Variants in ATOX1 observed in about 807,000 individuals in gnomAD.
ATOX1 encodes the protein copper transport protein ATOX1.
In ATOX1, 4 loss-of-function variants were observed where a neutral mutation model predicts 7.3. The ratio of observed to expected loss-of-function variants is 0.55; its 90% CI spans 0.27 to 1.25. The LOEUF (loss-of-function observed/expected upper bound fraction) is 1.25. Among genes scored for constraint, ATOX1 ranks in the 50% most tolerant of loss-of-function variants. ATOX1 has a pLI of 0.12. For synonymous variants in ATOX1, 25 were observed against 28.7 expected (o/e 0.87, Z 0.41); for missense variants, 68 against 81.6 (o/e 0.83, Z 0.64).
chr5:151,745,584 G>A (rs1376172909), intron 3 of ATOX1: 4 of 152,228 alleles, frequency 2.6e-5, no homozygotes, highest in Non-Finnish European at 5.9e-5. Flanking sequence ...TAAAAGTGAA[G>A]GGAACATCTA....
At chr5:151,746,215 G>T in intron 3 of ATOX1, 64 bp downstream of exon 3, 1 of 1,452,612 alleles carries the variant, frequency 6.9e-7, no homozygotes, top group Non-Finnish European at 9.2e-7. Flanking sequence ...AAAGGCCAAG[G>T]TGTTCGCTCT....
intron 1 of ATOX1, among the ~76,000 whole-genome samples, chr5:151,757,842 C>A (rs918963908): frequency 3.3e-5 from 5 of 152,130 alleles, no homozygotes; most frequent in African/African-American, 4.8e-5. Context: ...CCAAAGGCCT[C>A]AATTCTTTAT....
intron 1 of ATOX1, among the ~76,000 whole-genome samples, chr5:151,754,998 A>G (rs896308921): frequency 4.0e-5 from 6 of 151,732 alleles, no homozygotes; most frequent in African/African-American, 9.7e-5. Context: ...AAAAAAAAAA[A>G]AAAGAAACAC....
intron 2 of ATOX1, among the ~76,000 whole-genome samples, chr5:151,747,881 G>C (rs1049494053): frequency 6.6e-6 from 1 of 152,214 alleles, no homozygotes; most frequent in Non-Finnish European, 1.5e-5. Context: ...GAGCCACAGT[G>C]CCCGGCCCTA....
intron 2 of ATOX1, among the ~76,000 whole-genome samples, chr5:151,750,241 T>C (rs1761930314): frequency 6.6e-6 from 1 of 152,150 alleles, no homozygotes; most frequent in South Asian, 2.1e-4. Context: ...TGAGACTGAT[T>C]GTTCAAAAGA....
chr5:151,757,838 G>C (rs950346846), intron 1 of ATOX1, among the ~76,000 whole-genome samples: 2 of 152,116 alleles, frequency 1.3e-5, no homozygotes, highest in Non-Finnish European at 1.5e-5. Context: ...TCTGCCAAAG[G>C]CCTCAATTCT....
Position 151,752,536 on chromosome 5 carries a change from T to C in ATOX1, c.7-757A>G, listed in dbSNP as rs531441688. On this transcript the variant is annotated intron_variant, in intron 1 of 3. Transcript: ENST00000313115. ...GTTCAGTTCACTACTGGATTCCTAA[T>C]ACTTGGAACAGTGCCTGGACAGAGT... The C allele has an allele frequency of 7.2e-5, 43 of 598,146 alleles. No homozygotes were observed. The East Asian group carries it at 1.2e-3, about 16-fold the overall frequency. 37.1% of individuals were successfully genotyped at this position (598,146 alleles called of 1,614,324 possible).
intron 2 of ATOX1, 108 bp downstream of exon 2, chr5:151,751,596 A>G (rs1761949294): frequency 2.6e-6 from 3 of 1,132,806 alleles, no homozygotes; most frequent in Non-Finnish European, 3.8e-6. Flanking sequence ...AGTACTCAAT[A>G]TATTTTAGTT....
intron 3 of ATOX1, chr5:151,744,994 A>T (rs1761864457): frequency 6.6e-6 from 1 of 152,248 alleles, no homozygotes; most frequent in South Asian, 2.1e-4. Context: ...AAATGAGGAA[A>T]GTTGGAATTA....
At chr5:151,755,994 T>G (rs1041115016) in intron 1 of ATOX1, among the ~76,000 whole-genome samples, 1 of 149,924 alleles carries the variant, frequency 6.7e-6, no homozygotes, top group Admixed American at 6.7e-5. Context: ...CAGGCTGCAG[T>G]GCAGTGGCAC....
rs768136701 is a variant in ATOX1, at chr5:151,746,468, G to C, written c.83-19C>G. The C allele has an allele frequency of 1.2e-6, 2 of 1,613,160 alleles. No individual in the cohort carries two copies. The highest frequency in any genetic ancestry group is 2.2e-5 in the East Asian group (1 of 44,882). On this transcript the variant is annotated intron_variant, in intron 2 of 3. Coordinates refer to ENST00000313115, the MANE Select transcript of ATOX1 (RefSeq NM_004045.4). ...TTAACTCCTGCAGGAAGAGGAAATG[G>C]GGTATGGGGAGAGGAAGCACAGACC...
chr5:151,745,069 G>C (rs1194629791), intron 3 of ATOX1: 1 of 152,200 alleles, frequency 6.6e-6, no homozygotes, highest in Non-Finnish European at 1.5e-5. Context: ...TCTATGGATG[G>C]AAAGTGCATG....
intron 1 of ATOX1, among the ~76,000 whole-genome samples, chr5:151,754,455 G>GA (rs1554078537): frequency 1.3e-5 from 2 of 151,522 alleles, no homozygotes; most frequent in Admixed American, 6.6e-5. Flanking sequence ...ACTAAAAATA[G>GA]AAAAAAAATT....
chr5:151,748,693 C>T (rs1761908034), intron 2 of ATOX1, among the ~76,000 whole-genome samples: 1 of 152,080 alleles, frequency 6.6e-6, no homozygotes, highest in East Asian at 1.9e-4. Flanking sequence ...GAAACCCCAT[C>T]TCTACTAAAA....
At chr5:151,758,398 T>TG (rs1762041952) in intron 1 of ATOX1, 148 bp downstream of exon 1, 1 of 1,280,104 alleles carries the variant, frequency 7.8e-7, no homozygotes, top group Admixed American at 4.0e-5. Flanking sequence ...TCGCAAAAGC[T>TG]GGGGGCTGGG....
At chr5:151,751,834 A>T in intron 1 of ATOX1, 55 bp from the exon 2 acceptor site, 1 of 1,542,066 alleles carries the variant, frequency 6.5e-7, no homozygotes, top group Non-Finnish European at 8.8e-7. Flanking sequence ...ACCCCCACAC[A>T]GTGCCAGCAG....
chr5:151,749,685 A>G (rs1254377287), intron 2 of ATOX1, among the ~76,000 whole-genome samples: 1 of 151,158 alleles, frequency 6.6e-6, no homozygotes, highest in Non-Finnish European at 1.5e-5. Flanking sequence ...AAGAAAAAGA[A>G]AAAAAAAAGC....
intron 2 of ATOX1, 59 bp downstream of exon 2, chr5:151,751,645 A>C: frequency 6.5e-7 from 1 of 1,536,396 alleles, no homozygotes. Context: ...TCTCTCCTGC[A>C]ACATCTGCAT....
At chr5:151,754,609 T>C (rs1761989203) in intron 1 of ATOX1, among the ~76,000 whole-genome samples, 1 of 151,454 alleles carries the variant, frequency 6.6e-6, no homozygotes, top group Non-Finnish European at 1.5e-5. Context: ...AAAAATTGTT[T>C]TGGAAAAAAA....
Sources: allele counts gnomAD v4.1 joint callset (sites outside exome capture counted in the v4.1 genomes callset), GRCh38; gene constraint gnomAD v4.1.1; transcripts MANE v1.5; gene names NCBI Gene and HGNC (gene_info 2026-07-23, HGNC 2026-07-21).